Variants in THEMIS observed in about 807,000 individuals in gnomAD.
The protein encoded by THEMIS is thymocyte selection associated, also known as protein THEMIS.
In THEMIS, 37 loss-of-function variants were observed where a neutral mutation model predicts 52.6. The ratio of observed to expected loss-of-function variants is 0.70; its 90% CI spans 0.54 to 0.93. The LOEUF is 0.93. Among genes scored for constraint, THEMIS ranks in the 40% least tolerant of loss-of-function variants. THEMIS has a pLI of 0.00. For synonymous variants in THEMIS, 292 were observed against 272.7 expected (o/e 1.07, Z -0.70); for missense variants, 808 against 763.1 (o/e 1.06, Z -0.69).
chr6:127,874,756 G>T (rs537459459), intron 1 of THEMIS, among the ~76,000 whole-genome samples: 1 of 152,306 alleles, frequency 6.6e-6, no homozygotes, highest in South Asian at 2.1e-4. Flanking sequence ...AAAGCAACAT[G>T]GGTGATGTGA....
At chr6:127,719,080 G>C (rs960886384) in intron 5 of THEMIS, among the ~76,000 whole-genome samples, 5 of 151,706 alleles carry the variant, frequency 3.3e-5, no homozygotes, top group Non-Finnish European at 5.9e-5. Flanking sequence ...GAAATTGAGG[G>C]GGTTTGGTGT....
rs377547658 is a variant in THEMIS at position 127,813,902 on chromosome 6, T to A, written c.739A>T (p.Ser247Cys). 1.3e-6 allele frequency: 2 copies of A among 1,583,724 alleles called. No individual in the cohort carries two copies. Among genetic ancestry groups the A allele is most frequent in the Admixed American group, 3.8e-5 (2 of 52,306 alleles). ...ATGTCTTTGACTTCGACATCTAGACTGGGGAGGATGCGGATTATATCTTTT... is the reference window on the plus strand; with the variant it reads ...ATGTCTTTGACTTCGACATCTAGACAGGGGAGGATGCGGATTATATCTTTT... Reference protein sequence around the residue: ...FRKDIIRILPSLDVEVKDITD... With the variant: ...FRKDIIRILPCLDVEVKDITD... The change falls in exon 4 of 6, where the codon AGT becomes TGT. Residue 247 changes from serine (S) to cysteine (C), a missense_variant. Ser to Cys is a moderately radical substitution (Grantham distance 112, BLOSUM62 -1). Transcript: ENST00000368248.
intron 4 of THEMIS, among the ~76,000 whole-genome samples, chr6:127,724,011 G>C (rs1241817469): frequency 6.6e-6 from 1 of 151,970 alleles, no homozygotes; most frequent in East Asian, 1.9e-4. Context: ...GAAAATTCAT[G>C]AATAAAACAT....
chr6:127,748,466 A>C (rs1235081878), intron 4 of THEMIS, among the ~76,000 whole-genome samples: 1 of 152,026 alleles, frequency 6.6e-6, no homozygotes, highest in Non-Finnish European at 1.5e-5. Flanking sequence ...TCAAGAACTC[A>C]CTCACTCTTA....
At chr6:127,814,995 C>T (rs1330103478) in intron 3 of THEMIS, among the ~76,000 whole-genome samples, 2 of 151,902 alleles carry the variant, frequency 1.3e-5, no homozygotes, top group African/African-American at 2.4e-5. Flanking sequence ...TGTCTCTGTA[C>T]AAAAATTAGA....
chr6:127,888,050 G>C (rs1337701787), intron 1 of THEMIS, among the ~76,000 whole-genome samples: 1 of 152,062 alleles, frequency 6.6e-6, no homozygotes, highest in Non-Finnish European at 1.5e-5. Flanking sequence ...TCGTAGAGAA[G>C]GGAGTTAGTC....
In THEMIS at chr6:127,812,979, T is replaced by TG; in HGVS notation, c.1661dup (p.Pro555ThrfsTer57). ...CTGAGGGGTGTTTCGGAGGGCGAGG[T>TG]GGGGGATGTGAGGCTGAGCTTTCAT... On this transcript the variant is annotated frameshift_variant, in exon 4 of 6. Coordinates refer to ENST00000368248, the MANE Select transcript of THEMIS (RefSeq NM_001010923.3). LOFTEE classifies it high-confidence loss of function. The TG allele has an allele frequency of 1.2e-6, 2 of 1,613,892 alleles. No homozygotes were observed. Among genetic ancestry groups the TG allele is most frequent in the Non-Finnish European group, 8.5e-7 (1 of 1,179,958 alleles).
At chr6:127,716,842 A>G (rs532704234) in intron 5 of THEMIS, among the ~76,000 whole-genome samples, 4 of 152,010 alleles carry the variant, frequency 2.6e-5, no homozygotes, top group East Asian at 1.9e-4. Context: ...AGTCCATTAG[A>G]GAGCGTCAGG....
chr6:127,746,606 TTTA>T (rs1297381536), intron 4 of THEMIS, among the ~76,000 whole-genome samples: 1 of 145,534 alleles, frequency 6.9e-6, no homozygotes, highest in Non-Finnish European at 1.5e-5. Flanking sequence ...TGTTATTGTT[TTTA>T]ATACTAAAAA....
chr6:127,824,564 A>T (rs1778440686), intron 3 of THEMIS, among the ~76,000 whole-genome samples: 1 of 152,034 alleles, frequency 6.6e-6, no homozygotes, highest in Non-Finnish European at 1.5e-5. Flanking sequence ...AGCATTTGAT[A>T]AAAACATTTA....
intron 3 of THEMIS, among the ~76,000 whole-genome samples, chr6:127,827,818 T>A (rs1034427631): frequency 2.0e-5 from 3 of 152,190 alleles, no homozygotes; most frequent in Non-Finnish European, 4.4e-5. Flanking sequence ...ACTACTCTCC[T>A]CTGTTCTTCT....
chr6:127,757,631 C>T (rs540561869), intron 4 of THEMIS, among the ~76,000 whole-genome samples: 56 of 152,184 alleles, frequency 3.7e-4, no homozygotes, highest in Non-Finnish European at 6.0e-4. Flanking sequence ...TACAGGCGCC[C>T]GCCACCACGC....
At chr6:127,701,278 T>A in the THEMIS span, among the ~76,000 whole-genome samples, 1 of 152,112 alleles carries the variant, frequency 6.6e-6, no homozygotes, top group Non-Finnish European at 1.5e-5. Context: ...TGTGTCTAAT[T>A]TTGATGATTC....
At chr6:127,865,489 A>G (rs1055455290) in intron 1 of THEMIS, among the ~76,000 whole-genome samples, 1 of 152,168 alleles carries the variant, frequency 6.6e-6, no homozygotes, top group South Asian at 2.1e-4. Context: ...CAAGACTTGA[A>G]AAGTACAAAA....
At chr6:127,768,955 C>T (rs1776286916) in intron 4 of THEMIS, among the ~76,000 whole-genome samples, 1 of 152,170 alleles carries the variant, frequency 6.6e-6, no homozygotes, top group Non-Finnish European at 1.5e-5. Flanking sequence ...CCTGAGACAA[C>T]ATAGTGTTGA....
intron 1 of THEMIS, among the ~76,000 whole-genome samples, chr6:127,873,170 T>G (rs912584346): frequency 2.0e-5 from 3 of 152,348 alleles, no homozygotes; most frequent in East Asian, 1.9e-4. Context: ...AAAGACATAC[T>G]GTTTTCATTC....
chr6:127,698,408 GCTGT>G, the THEMIS span, among the ~76,000 whole-genome samples: 1 of 152,042 alleles, frequency 6.6e-6, no homozygotes, highest in Non-Finnish European at 1.5e-5. Context: ...GGCCAGGTTT[GCTGT>G]CTTTTAGGAA....
intron 4 of THEMIS, among the ~76,000 whole-genome samples, chr6:127,763,632 T>C (rs901557849): frequency 2.0e-5 from 3 of 151,996 alleles, no homozygotes; most frequent in Admixed American, 1.3e-4. Flanking sequence ...GAGATAATTT[T>C]CTTTATTGTA....
chr6:127,785,411 C>T lies in THEMIS; in HGVS notation c.1758+27472G>A, dbSNP rs547898087. On this transcript the variant is annotated intron_variant, in intron 4 of 5. Coordinates refer to ENST00000368248, the MANE Select transcript of THEMIS (RefSeq NM_001010923.3). ...AGCACACCAACATGGCACATGTATACATATGTAACAAACCTGCACGTTGTG... is the reference window on the plus strand; with the variant it reads ...AGCACACCAACATGGCACATGTATATATATGTAACAAACCTGCACGTTGTG... Among the ~76,000 whole-genome samples, 3 of 151,560 alleles carry T rather than the reference C, an allele frequency of 2.0e-5. No homozygotes were observed. The East Asian group carries it at 5.8e-4, about 29-fold the overall frequency.
Sources: gnomAD v4.1 joint callset for allele counts (sites outside exome capture counted in the v4.1 genomes callset) on GRCh38, gnomAD v4.1.1 for gene constraint, MANE v1.5 for transcripts, NCBI Gene and HGNC (gene_info 2026-07-23, HGNC 2026-07-21) for gene names.